PCDH9: variants seen among roughly 807,000 people sequenced by gnomAD.
The protein encoded by PCDH9 is protocadherin-9.
In PCDH9, 24 loss-of-function variants were observed where a neutral mutation model predicts 70.6. The ratio of observed to expected loss-of-function variants is 0.34; its 90% CI spans 0.25 to 0.48. The LOEUF (loss-of-function observed/expected upper bound fraction) is 0.48, where lower values mean the gene tolerates loss of function less well. PCDH9 is among the 20% of genes least tolerant of loss of function. PCDH9 has a pLI of 0.99. For synonymous variants in PCDH9, 562 were observed against 558.5 expected, an observed-to-expected ratio of 1.01 and a Z score of -0.09; for missense variants, 1,281 against 1,503.6, an observed-to-expected ratio of 0.85 and a Z score of 2.45.
intron 4 of PCDH9, among the ~76,000 whole-genome samples, chr13:66,630,019 T>C (rs1159672577): frequency 2.6e-5 from 4 of 152,168 alleles, no homozygotes; most frequent in Non-Finnish European, 4.4e-5. Flanking sequence ...ATGCCAGAGA[T>C]ATTTTCATGT....
At chr13:67,108,041 T>C (rs540500294) in intron 2 of PCDH9, among the ~76,000 whole-genome samples, 237 of 152,374 alleles carry the variant, frequency 1.6e-3, no homozygotes, top group African/African-American at 5.4e-3. Flanking sequence ...CTGCCCGTCC[T>C]GCCACAGCAG....
chr13:66,990,054 T>C lies in PCDH9; in HGVS notation c.3037-86449A>G, dbSNP rs564476312. ...TTGTAACTAACAAAGATATTTAAGATGGAAGAAAAAATGTTTTGGGTTTCT... is the reference window on the plus strand; with the variant it reads ...TTGTAACTAACAAAGATATTTAAGACGGAAGAAAAAATGTTTTGGGTTTCT... On this transcript the variant is annotated intron_variant, in intron 2 of 4. Transcript: ENST00000377865. Among the ~76,000 whole-genome samples the C allele has an allele frequency of 3.3e-5, 5 of 152,002 alleles. No individual in the cohort carries two copies. In the South Asian group the frequency reaches 8.3e-4, roughly 25 times the overall value.
At chr13:66,495,686 A>G (rs957076418) in intron 4 of PCDH9, among the ~76,000 whole-genome samples, 9 of 152,266 alleles carry the variant, frequency 5.9e-5, no homozygotes, top group Admixed American at 1.3e-4. Context: ...CTGGGTAGAG[A>G]ACACACTGGT....
At chr13:67,163,459 C>G (rs2088018809) in intron 2 of PCDH9, among the ~76,000 whole-genome samples, 1 of 152,142 alleles carries the variant, frequency 6.6e-6, no homozygotes, top group African/African-American at 2.4e-5. Flanking sequence ...AAGTTTGGTT[C>G]TCTGTCATTA....
Position 66,718,446 on chromosome 13 carries a change from T to A in PCDH9, c.3139-87035A>T, listed in dbSNP as rs898649237. ...TTTCAATGTAGGACTCCAGATGTAG[T>A]TAATTTTGATTTCATAATCCACTAT... is the stretch of plus-strand genomic sequence containing the variant. On this transcript the variant is annotated intron_variant, in intron 3 of 4. Coordinates refer to ENST00000377865, the MANE Select transcript of PCDH9 (RefSeq NM_203487.3). Among the ~76,000 whole-genome samples the A allele has an allele frequency of 1.2e-4, 18 of 152,096 alleles. 1 individual carries two copies. Among genetic ancestry groups the A allele is most frequent in the Non-Finnish European group, 1.5e-5 (1 of 68,008 alleles).
chr13:66,987,423 G>T (rs1403138420), intron 2 of PCDH9, among the ~76,000 whole-genome samples: 1 of 151,910 alleles, frequency 6.6e-6, no homozygotes, highest in Non-Finnish European at 1.5e-5. Flanking sequence ...TACATTAATT[G>T]TGTTATTGAC....
rs188744528 is a variant in PCDH9 at position 66,328,873 on chromosome 13, T to C, written c.3341-23845A>G. ...GTCCCTAAGAGCTGAACATTCATTTTTTAACTGGAAATTACCTTAAAGAAG... is the reference window on the plus strand; with the variant it reads ...GTCCCTAAGAGCTGAACATTCATTTCTTAACTGGAAATTACCTTAAAGAAG... On this transcript the variant is annotated intron_variant, in intron 4 of 4. Coordinates refer to ENST00000377865, the MANE Select transcript of PCDH9 (RefSeq NM_203487.3). 8.4e-4 allele frequency among the ~76,000 whole-genome samples: 128 copies of C among 152,328 alleles called. 2 individuals carry two copies. The highest frequency in any genetic ancestry group is 2.9e-3 in the African/African-American group (121 of 41,570).
chr13:67,007,382 A>G (rs1232652011), intron 2 of PCDH9, among the ~76,000 whole-genome samples: 1 of 152,208 alleles, frequency 6.6e-6, no homozygotes, highest in East Asian at 1.9e-4. Context: ...ATGTATGAGT[A>G]TAAGACTGAA....
At chr13:67,184,943 G>A (rs992042387) in intron 2 of PCDH9, among the ~76,000 whole-genome samples, 2 of 152,140 alleles carry the variant, frequency 1.3e-5, no homozygotes, top group East Asian at 1.9e-4. Context: ...TGTTGACTGC[G>A]ATAACTTCTT....
At chr13:66,819,802 G>A (rs1296949352) in intron 3 of PCDH9, among the ~76,000 whole-genome samples, 1 of 152,100 alleles carries the variant, frequency 6.6e-6, no homozygotes, top group Admixed American at 6.5e-5. Flanking sequence ...AGGCTGAGGT[G>A]GGAGGATGAC....
chr13:66,648,603 T>G (rs2077805312), intron 3 of PCDH9, among the ~76,000 whole-genome samples: 2 of 152,086 alleles, frequency 1.3e-5, no homozygotes. Flanking sequence ...CCAACAAGGA[T>G]GGGTACACAA....
chr13:66,380,101 T>C lies in PCDH9; in HGVS notation c.3341-75073A>G, dbSNP rs118040489. On this transcript the variant is annotated intron_variant, in intron 4 of 4. Transcript: ENST00000377865. Reference sequence around the variant, plus strand: ...ATACAGTTGATATCAGGAATTAATATGTAGCATATAGAAAAAGTATATAAC... The same window carrying C: ...ATACAGTTGATATCAGGAATTAATACGTAGCATATAGAAAAAGTATATAAC... 5.0e-3 allele frequency among the ~76,000 whole-genome samples: 760 copies of C among 152,292 alleles called. 24 individuals are homozygous for C. The East Asian group carries it at 0.075, about 15-fold the overall frequency.
At chr13:66,313,591 T>C (rs1955601662) in intron 4 of PCDH9, among the ~76,000 whole-genome samples, 1 of 152,220 alleles carries the variant, frequency 6.6e-6, no homozygotes, top group Non-Finnish European at 1.5e-5. Context: ...ACAATAGTAG[T>C]ACACAATGTT....
chr13:66,740,935 C>T (rs1417569098), intron 3 of PCDH9, among the ~76,000 whole-genome samples: 2 of 104,496 alleles, frequency 1.9e-5, no homozygotes, highest in Non-Finnish European at 3.9e-5. Flanking sequence ...GGTACCATTC[C>T]TTCTGAAACT....
At chr13:66,403,578 C>A (rs992589871) in intron 4 of PCDH9, among the ~76,000 whole-genome samples, 9 of 151,986 alleles carry the variant, frequency 5.9e-5, no homozygotes, top group Admixed American at 5.9e-4. Context: ...TCCTTATACA[C>A]CTACAAAATA....
At chr13:66,990,425 G>GATACAT (rs539439821) in intron 2 of PCDH9, among the ~76,000 whole-genome samples, 5 of 151,164 alleles carry the variant, frequency 3.3e-5, no homozygotes, top group South Asian at 4.2e-4. Context: ...AATGTAAGAA[G>GATACAT]ATACATATAC....
At chr13:66,333,267 G>A (rs191970349) in intron 4 of PCDH9, among the ~76,000 whole-genome samples, 3 of 152,268 alleles carry the variant, frequency 2.0e-5, no homozygotes, top group Admixed American at 1.3e-4. Context: ...ATACGATGGA[G>A]ATTTTATTTT....
intron 2 of PCDH9, among the ~76,000 whole-genome samples, chr13:67,130,335 T>C (rs1345544198): frequency 1.3e-5 from 2 of 151,946 alleles, no homozygotes; most frequent in Non-Finnish European, 2.9e-5. Context: ...AAGATGACTA[T>C]CATATATAAC....
intron 3 of PCDH9, among the ~76,000 whole-genome samples, chr13:66,797,958 GGGGTGT>G (rs1210970385): frequency 5.6e-5 from 7 of 124,312 alleles, no homozygotes; most frequent in East Asian, 2.1e-4. Context: ...TGTTTCTTGG[GGGGTGT>G]GTGTGTGTGT....
Sources: gnomAD v4.1 joint callset for allele counts (sites outside exome capture counted in the v4.1 genomes callset) on GRCh38, gnomAD v4.1.1 for gene constraint, MANE v1.5 for transcripts, NCBI Gene and HGNC (gene_info 2026-07-23, HGNC 2026-07-21) for gene names.